Variants in ENTPD5 observed in about 807,000 individuals in gnomAD.
ENTPD5 encodes the protein nucleoside diphosphate phosphatase ENTPD5.
ENTPD5 carries 49 observed loss-of-function variants against 60.2 expected under a neutral mutation model. The observed-to-expected ratio is 0.81, with a 90% CI of 0.65 to 1.03. ENTPD5 has a LOEUF of 1.03. Ranked by LOEUF, ENTPD5 falls within the 50% of genes least tolerant of loss-of-function variation. ENTPD5 has a pLI of 0.00. For missense variants in ENTPD5, 480 were observed against 507.6 expected (o/e 0.95, Z 0.52); for synonymous variants, 187 against 185.4 (o/e 1.01, Z -0.07).
chr14:73,975,829 A>G, intron 10 of ENTPD5, 107 bp downstream of exon 10: 1 of 963,716 alleles, frequency 1.0e-6, no homozygotes, highest in Non-Finnish European at 1.6e-6. Context: ...GAATTGGCAC[A>G]GACTTTGTTT....
chr14:73,960,160 G>T, downstream of ENTPD5: 1 of 988,250 alleles, frequency 1.0e-6, no homozygotes, highest in Non-Finnish European at 1.2e-6. Context: ...CTGATTCATT[G>T]AAAGTATTCC....
chr14:74,005,274 A>AAAAAAAAG (rs1229197658), intron 3 of ENTPD5, among the ~76,000 whole-genome samples: 26 of 125,554 alleles, frequency 2.1e-4, no homozygotes, highest in East Asian at 2.0e-3. Flanking sequence ...TCAAAAAAAA[A>AAAAAAAAG]AAAAAAAGAA....
intron 13 of ENTPD5, among the ~76,000 whole-genome samples, chr14:73,972,490 A>G (rs1443215284): frequency 2.0e-5 from 3 of 152,210 alleles, no homozygotes; most frequent in East Asian, 3.8e-4. Flanking sequence ...ATACTTTCAC[A>G]GTTAGGCAAA....
downstream of ENTPD5, chr14:73,963,185 A>C (rs2056833406): frequency 1.5e-6 from 1 of 658,226 alleles, no homozygotes; most frequent in African/African-American, 1.8e-5. Flanking sequence ...TGAGGAGCGT[A>C]TATTAGCCAG....
At chr14:73,986,936 C>A in intron 4 of ENTPD5, 43 bp from the exon 5 acceptor site, 1 of 1,495,632 alleles carries the variant, frequency 6.7e-7, no homozygotes, top group Non-Finnish European at 9.3e-7. Flanking sequence ...AGCTGGTTAC[C>A]AAAAGTTAGG....
chr14:73,983,139 A>T lies in ENTPD5; in HGVS notation c.320T>A (p.Leu107His). 6.2e-7 allele frequency: 1 copy of T among 1,614,008 alleles called. No individual in the cohort carries two copies. Among genetic ancestry groups the T allele is most frequent in the Non-Finnish European group, 8.5e-7 (1 of 1,179,966 alleles). The change falls in exon 6 of 16, where the codon CTC becomes CAC. Residue 107 changes from leucine (L) to histidine (H), a missense_variant. Coordinates refer to ENST00000334696, the MANE Select transcript of ENTPD5 (RefSeq NM_001249.5). ...GATTGAGTCTTTGGCCACCTCTAAGAGCCCTTGAACGGTCTCAGCACCCTT... is the reference window on the plus strand; with the variant it reads ...GATTGAGTCTTTGGCCACCTCTAAGTGCCCTTGAACGGTCTCAGCACCCTT... Reference protein sequence around the residue: ...PKQGAETVQGLLEVAKDSIPR... With the variant: ...PKQGAETVQGHLEVAKDSIPR...
intron 3 of ENTPD5, among the ~76,000 whole-genome samples, chr14:74,004,356 C>A (rs142951362): frequency 0.01 from 1,559 of 152,038 alleles, 39 homozygotes; most frequent in African/African-American, 0.036. Flanking sequence ...CTAGTAGAGA[C>A]GGGGTTTCGC....
chr14:74,015,975 G>A (rs149206088), intron 1 of ENTPD5, 45 bp from the exon 2 acceptor site: 1 of 152,300 alleles, frequency 6.6e-6, no homozygotes, highest in East Asian at 1.9e-4. Flanking sequence ...AAAACATGAA[G>A]TGGCTTATTC....
downstream of ENTPD5, chr14:73,956,785 A>C (rs1207496732): frequency 6.6e-6 from 1 of 152,186 alleles, no homozygotes; most frequent in Non-Finnish European, 1.5e-5. Context: ...AAATATCTTA[A>C]TGTTCTAGAG....
intron 3 of ENTPD5, among the ~76,000 whole-genome samples, chr14:73,994,417 G>A (rs1330961254): frequency 6.6e-6 from 1 of 151,134 alleles, no homozygotes; most frequent in Non-Finnish European, 1.5e-5. Context: ...ACAAGCCTCC[G>A]CACCGAGCAA....
intron 3 of ENTPD5, among the ~76,000 whole-genome samples, chr14:73,991,554 C>T (rs1275308658): frequency 6.9e-6 from 1 of 145,356 alleles, no homozygotes; most frequent in Non-Finnish European, 1.5e-5. Context: ...CACCACTGTG[C>T]TCCAGCCTGG....
chr14:74,005,526 G>A (rs1362440055), intron 3 of ENTPD5, among the ~76,000 whole-genome samples: 2 of 151,540 alleles, frequency 1.3e-5, no homozygotes, highest in Non-Finnish European at 2.9e-5. Context: ...ATGAACAACT[G>A]GCCAGGTGCG....
chr14:74,003,005 C>T (rs1207251159), intron 3 of ENTPD5, among the ~76,000 whole-genome samples: 1 of 152,176 alleles, frequency 6.6e-6, no homozygotes, highest in Non-Finnish European at 1.5e-5. Context: ...CCTAGAAATT[C>T]TTTTCCTATA....
Position 73,977,309 on chromosome 14 carries a change from T to C in ENTPD5, c.507A>G (p.Gly169=). 6.2e-7 allele frequency: 1 copy of C among 1,610,040 alleles called. No homozygotes were observed. Among genetic ancestry groups the C allele is most frequent in the South Asian group, 1.1e-5 (1 of 90,992 alleles). ...CAACACCTCTCCCACCTTCGTCGGA[T>C]CCATCCATGATGCTAACACTGCCCT... ...VPKGSVSIMD[G]SDEGILAWVT... is the part of the protein sequence containing the mutation. Residue 169 remains glycine, a synonymous_variant, in exon 7 of 16, where the codon GGA becomes GGG. Transcript: ENST00000334696.
At chr14:73,985,534 T>C (rs1360104920) in intron 5 of ENTPD5, among the ~76,000 whole-genome samples, 1 of 152,230 alleles carries the variant, frequency 6.6e-6, no homozygotes, top group African/African-American at 2.4e-5. Flanking sequence ...GCTGCATAAA[T>C]GTCTTCTTTT....
At chr14:74,011,384 C>T (rs1210200653) in intron 2 of ENTPD5, among the ~76,000 whole-genome samples, 5 of 152,192 alleles carry the variant, frequency 3.3e-5, no homozygotes, top group Non-Finnish European at 5.9e-5. Flanking sequence ...CTTTACCACA[C>T]ATCCAGCTCA....
intron 2 of ENTPD5, among the ~76,000 whole-genome samples, chr14:74,012,611 GGTGT>G (rs2058880566): frequency 6.6e-6 from 1 of 152,140 alleles, no homozygotes; most frequent in African/African-American, 2.4e-5. Context: ...AATGAGTAAA[GGTGT>G]GTGTAAGACA....
At chr14:73,955,554 C>A, downstream of ENTPD5, 1 of 1,561,938 alleles carries the variant, frequency 6.4e-7, no homozygotes, top group South Asian at 1.1e-5. Flanking sequence ...CTTGGTCTGT[C>A]TTAAGATATC....
chr14:73,986,278 T>C (rs1011027176), intron 5 of ENTPD5: 2 of 152,906 alleles, frequency 1.3e-5, no homozygotes, highest in Non-Finnish European at 2.9e-5. Flanking sequence ...ACACATAGGA[T>C]GTAGTATGTT....
Sources: allele counts gnomAD v4.1 joint callset (sites outside exome capture counted in the v4.1 genomes callset), GRCh38; gene constraint gnomAD v4.1.1; transcripts MANE v1.5; gene names NCBI Gene and HGNC (gene_info 2026-07-23, HGNC 2026-07-21).